The following ROBO1 variants were observed in gnomAD, a reference collection of about 807,000 sequenced individuals.
The protein encoded by ROBO1 is roundabout guidance receptor 1.
A neutral mutation model predicts 195.9 loss-of-function variants in ROBO1; 149 were observed. That is an observed-to-expected ratio of 0.76 (90% CI 0.67 to 0.87). The LOEUF (loss-of-function observed/expected upper bound fraction) is 0.87, where lower values mean the gene tolerates loss of function less well. Ranked by LOEUF, ROBO1 falls within the 40% of genes least tolerant of loss-of-function variation. The pLI, the probability that ROBO1 is intolerant of heterozygous loss-of-function variation, is 0.00. For synonymous variants in ROBO1, 816 were observed against 733.2 expected, an observed-to-expected ratio of 1.11 and a Z score of -1.82; for missense variants, 1,933 against 2,068.3, an observed-to-expected ratio of 0.93 and a Z score of 1.27.
intron 4 of ROBO1, among the ~76,000 whole-genome samples, chr3:78,831,374 A>G (rs534650181): frequency 5.9e-4 from 90 of 152,316 alleles, no homozygotes; most frequent in African/African-American, 2.1e-3. Context: ...TAAATATATA[A>G]GTGGAAAAAA....
In ROBO1 at chr3:79,412,000, G is replaced by A. The variant is rs145246247; in HGVS notation, c.88+177824C>T. On this transcript the variant is annotated intron_variant, in intron 2 of 30. Transcript: ENST00000464233. ...CAGGAGAAGTTATCTCAGCCATCGA[G>A]AGCAGCAGCATCAGTAACAGCACAG... is the stretch of plus-strand genomic sequence containing the variant. Among the ~76,000 whole-genome samples, 9 of 152,156 alleles carry A rather than the reference G, an allele frequency of 5.9e-5. No individual in the cohort carries two copies. The East Asian group carries it at 1.5e-3, about 26-fold the overall frequency.
At chr3:79,512,773 T>TTC (rs998476827) in intron 2 of ROBO1, 14 of 152,116 alleles carry the variant, frequency 9.2e-5, no homozygotes, top group African/African-American at 2.9e-4. Flanking sequence ...AGATGAACAA[T>TTC]TCTAAACATA....
intron 2 of ROBO1, among the ~76,000 whole-genome samples, chr3:79,155,130 A>G (rs770382580): frequency 8.6e-5 from 13 of 151,766 alleles, no homozygotes; most frequent in Non-Finnish European, 1.8e-4. Flanking sequence ...CTATGTCTCA[A>G]ACACTGAGTA....
chr3:79,314,118 C>T (rs1422870175), intron 2 of ROBO1, among the ~76,000 whole-genome samples: 2 of 152,126 alleles, frequency 1.3e-5, no homozygotes, highest in South Asian at 4.1e-4. Flanking sequence ...TCTCATGCTC[C>T]TCCTTTAAAG....
chr3:78,616,171 T>C (rs1245091783), intron 27 of ROBO1, among the ~76,000 whole-genome samples: 1 of 152,306 alleles, frequency 6.6e-6, no homozygotes, highest in African/African-American at 2.4e-5. Flanking sequence ...GTTATTTCTA[T>C]GTTTCGTCCA....
chr3:79,181,031 G>T (rs1559717255), intron 2 of ROBO1, among the ~76,000 whole-genome samples: 2 of 152,154 alleles, frequency 1.3e-5, no homozygotes, highest in African/African-American at 4.8e-5. Context: ...TTGTGAAAGT[G>T]CTGTATTTCC....
chr3:78,759,771 A>G (rs1387090480), intron 4 of ROBO1, among the ~76,000 whole-genome samples: 1 of 152,178 alleles, frequency 6.6e-6, no homozygotes, highest in African/African-American at 2.4e-5. Context: ...TTGCTGCCCC[A>G]GAGGTCTTCA....
chr3:79,324,795 T>C (rs2034136166), intron 2 of ROBO1, among the ~76,000 whole-genome samples: 2 of 152,212 alleles, frequency 1.3e-5, no homozygotes, highest in African/African-American at 2.4e-5. Flanking sequence ...CATTGTTCAA[T>C]AGGACTCCAC....
At chr3:78,869,968 T>G (rs2035449740) in intron 4 of ROBO1, among the ~76,000 whole-genome samples, 1 of 152,160 alleles carries the variant, frequency 6.6e-6, no homozygotes, top group African/African-American at 2.4e-5. Context: ...TTTAAAAAAC[T>G]TGGATTGCAT....
intron 4 of ROBO1, among the ~76,000 whole-genome samples, chr3:78,909,511 G>A (rs1429644508): frequency 4.0e-5 from 6 of 151,704 alleles, no homozygotes; most frequent in Non-Finnish European, 5.9e-5. Flanking sequence ...ACTCGATGAC[G>A]TGTTTCAAGC....
intron 4 of ROBO1, among the ~76,000 whole-genome samples, chr3:78,933,907 T>C (rs922151584): frequency 6.6e-5 from 10 of 152,008 alleles, no homozygotes; most frequent in African/African-American, 2.2e-4. Flanking sequence ...AATTTCAAGA[T>C]GGAATTTAGT....
chr3:79,571,280 T>A (rs1013368490), intron 2 of ROBO1, among the ~76,000 whole-genome samples: 1 of 152,076 alleles, frequency 6.6e-6, no homozygotes, highest in African/African-American at 2.4e-5. Flanking sequence ...GAATCCCATG[T>A]TACTAAAAGT....
intron 2 of ROBO1, among the ~76,000 whole-genome samples, chr3:79,383,737 C>T (rs1009944139): frequency 1.3e-5 from 2 of 152,050 alleles, no homozygotes; most frequent in Non-Finnish European, 2.9e-5. Flanking sequence ...CCATGCCTCA[C>T]TTGAATTTCA....
rs977867567 is a variant in ROBO1, at chr3:78,963,593, A to G, written c.173-24666T>C. 2.4e-5 allele frequency among the ~76,000 whole-genome samples: 3 copies of G among 127,392 alleles called. No individual in the cohort carries two copies. In the Admixed American group the frequency reaches 3.2e-4, roughly 13 times the overall value. The allele number at this position is 127,392 out of a possible 152,430, so 83.6% of individuals were successfully genotyped here. On this transcript the variant is annotated intron_variant, in intron 3 of 30. Coordinates refer to ENST00000464233, the MANE Select transcript of ROBO1 (RefSeq NM_002941.4). The stretch of plus-strand genomic sequence containing the variant: ...GAGTGCAGTGGCGCGATCTCGGCTC[A>G]CTGCAAGCTCCGCCTCCCGGGTTCA...
intron 2 of ROBO1, among the ~76,000 whole-genome samples, chr3:79,230,292 C>T (rs748442172): frequency 6.6e-6 from 1 of 152,062 alleles, no homozygotes; most frequent in Non-Finnish European, 1.5e-5. Context: ...AATAACATAA[C>T]ATAATTATAC....
intron 4 of ROBO1, among the ~76,000 whole-genome samples, chr3:78,918,327 G>A (rs1193921773): frequency 6.6e-6 from 1 of 152,054 alleles, no homozygotes; most frequent in Non-Finnish European, 1.5e-5. Context: ...AATTTGGAAT[G>A]TCTATGGTCT....
Position 79,589,837 on chromosome 3 carries a change from G to A in ROBO1, c.75C>T (p.Ala25=), listed in dbSNP as rs753916660. ...CACAGCACTTACCTGGAATAAGCTGGGCCAGAAACAGGTGATTTGGGGATA... is the reference window on the plus strand; with the variant it reads ...CACAGCACTTACCTGGAATAAGCTGAGCCAGAAACAGGTGATTTGGGGATA... ...LSLSPNHLFL[A]QLIPDPEDVE... Residue 25 remains alanine (A), a synonymous_variant, in exon 2 of 31, where the codon GCC becomes GCT. Transcript: ENST00000464233. 6.2e-7 allele frequency: 1 copy of A among 1,610,408 alleles called. No individual in the cohort carries two copies. Among genetic ancestry groups the A allele is most frequent in the Admixed American group, 1.7e-5 (1 of 59,756 alleles).
chr3:79,385,790 T>C (rs1024582489), intron 2 of ROBO1, among the ~76,000 whole-genome samples: 2 of 152,036 alleles, frequency 1.3e-5, no homozygotes, highest in South Asian at 4.1e-4. Context: ...TAAAAAAACA[T>C]ACCTGGGAAG....
At chr3:78,639,377 C>T (rs1462246274) in intron 22 of ROBO1, among the ~76,000 whole-genome samples, 1 of 152,042 alleles carries the variant, frequency 6.6e-6, no homozygotes, top group African/African-American at 2.4e-5. Flanking sequence ...GCATGAGAAT[C>T]ACTGGAACTC....
Sources: allele counts gnomAD v4.1 joint callset (sites outside exome capture counted in the v4.1 genomes callset), GRCh38; gene constraint gnomAD v4.1.1; transcripts MANE v1.5; gene names NCBI Gene and HGNC (gene_info 2026-07-23, HGNC 2026-07-21).